Variants in SPOCK3 observed in about 807,000 individuals in gnomAD.
SPOCK3 encodes the protein testican-3.
Under a neutral mutation model 56.6 loss-of-function variants are expected in SPOCK3, and 30 were observed. The observed-to-expected ratio is 0.53, with a 90% CI of 0.40 to 0.72. The LOEUF is 0.72. Ranked by LOEUF, SPOCK3 falls within the 30% of genes least tolerant of loss-of-function variation. The pLI is 0.00. For missense variants in SPOCK3, 527 were observed against 530.0 expected (o/e 0.99, Z 0.06); for synonymous variants, 196 against 183.3 (o/e 1.07, Z -0.56).
intron 6 of SPOCK3, among the ~76,000 whole-genome samples, chr4:166,821,949 A>C (rs1213571807): frequency 6.6e-6 from 1 of 152,118 alleles, no homozygotes; most frequent in South Asian, 2.1e-4. Context: ...AGGATAGATC[A>C]ATTAACTATC....
At chr4:167,170,433 CT>C (rs1180289876) in intron 2 of SPOCK3, among the ~76,000 whole-genome samples, 1 of 152,156 alleles carries the variant, frequency 6.6e-6, no homozygotes, top group African/African-American at 2.4e-5. Flanking sequence ...CAACTATACA[CT>C]TTTCTAAGCA....
intron 4 of SPOCK3, among the ~76,000 whole-genome samples, chr4:166,924,660 C>T (rs866295176): frequency 1.3e-5 from 2 of 152,314 alleles, no homozygotes; most frequent in African/African-American, 4.8e-5. Flanking sequence ...TGACTAATGA[C>T]TTATCATGTT....
At chr4:167,210,933 C>G (rs1034627074) in intron 2 of SPOCK3, among the ~76,000 whole-genome samples, 59 of 152,060 alleles carry the variant, frequency 3.9e-4, no homozygotes, top group African/African-American at 1.4e-3. Flanking sequence ...AATGATAGAT[C>G]CTGCATATTT....
chr4:167,093,262 T>C (rs1758861657), intron 2 of SPOCK3, among the ~76,000 whole-genome samples: 1 of 152,146 alleles, frequency 6.6e-6, no homozygotes, highest in Admixed American at 6.6e-5. Context: ...TCAATACATA[T>C]TGATAACCAA....
At chr4:166,955,969 T>C (rs1743413998) in intron 4 of SPOCK3, among the ~76,000 whole-genome samples, 1 of 152,066 alleles carries the variant, frequency 6.6e-6, no homozygotes. Flanking sequence ...CATACTGTCA[T>C]TATTCTTCAA....
At chr4:167,138,812 T>C (rs768597561) in intron 2 of SPOCK3, among the ~76,000 whole-genome samples, 39 of 151,870 alleles carry the variant, frequency 2.6e-4, no homozygotes, top group Non-Finnish European at 7.4e-5. Context: ...AAAGGAAATA[T>C]ACTAGAGGGA....
intron 6 of SPOCK3, among the ~76,000 whole-genome samples, chr4:166,825,886 CA>C (rs1553981059): frequency 1.3e-5 from 2 of 151,898 alleles, no homozygotes; most frequent in Non-Finnish European, 2.9e-5. Context: ...TTTGAGGACT[CA>C]GGGGGAAGGT....
At chr4:167,110,796 T>G (rs1760839164) in intron 2 of SPOCK3, among the ~76,000 whole-genome samples, 1 of 152,002 alleles carries the variant, frequency 6.6e-6, no homozygotes, top group South Asian at 2.1e-4. Flanking sequence ...TAAAAAAAAT[T>G]CCTTTCAACA....
In SPOCK3 at chr4:166,733,623, A is replaced by C. The variant is rs1442954718; in HGVS notation, c.*1298T>G. The C allele has an allele frequency of 6.6e-6, 1 of 152,156 alleles. No individual in the cohort carries two copies. Among genetic ancestry groups the C allele is most frequent in the Non-Finnish European group, 1.5e-5 (1 of 67,764 alleles). 9.4% of individuals were successfully genotyped at this position (152,156 alleles called of 1,614,324 possible). A position where few individuals can be genotyped will look rare whatever the true frequency, so the allele number is the denominator to read the frequency against. On this transcript the variant is annotated 3_prime_UTR_variant, in exon 11 of 11. Coordinates refer to ENST00000357545, the MANE Select transcript of SPOCK3 (RefSeq NM_001040159.2). ...AGGTTTTTCCATTTTTATTATGGGCACAAAACCATTGGTATGATATAGTTA... is the reference window on the plus strand; with the variant it reads ...AGGTTTTTCCATTTTTATTATGGGCCCAAAACCATTGGTATGATATAGTTA...
chr4:167,042,814 A>G (rs1425438965), intron 3 of SPOCK3, among the ~76,000 whole-genome samples: 1 of 152,146 alleles, frequency 6.6e-6, no homozygotes, highest in Non-Finnish European at 1.5e-5. Flanking sequence ...CAGATGCTTT[A>G]TAAGGGCTTT....
intron 6 of SPOCK3, among the ~76,000 whole-genome samples, chr4:166,843,157 G>A (rs191933394): frequency 8.3e-4 from 126 of 152,190 alleles, no homozygotes; most frequent in South Asian, 4.6e-3. Context: ...GCACTGGCCC[G>A]CGAGTTCCTC....
chr4:166,861,976 C>T (rs1244955389), intron 6 of SPOCK3, among the ~76,000 whole-genome samples: 6 of 152,022 alleles, frequency 3.9e-5, no homozygotes, highest in Non-Finnish European at 8.8e-5. Context: ...CCCTTTTGCC[C>T]TTCTAGAAAT....
At chr4:166,814,982 T>C (rs189384259) in intron 6 of SPOCK3, among the ~76,000 whole-genome samples, 1 of 152,076 alleles carries the variant, frequency 6.6e-6, no homozygotes, top group East Asian at 1.9e-4. Flanking sequence ...TTGCTACAAA[T>C]GTGTCTTGAA....
chr4:167,217,688 A>G (rs181365261), intron 2 of SPOCK3, among the ~76,000 whole-genome samples: 57 of 152,208 alleles, frequency 3.7e-4, no homozygotes, highest in South Asian at 1.2e-3. Context: ...TGTCCTTTAC[A>G]CAGCTTATTT....
At chr4:167,119,637 G>A (rs1580355275) in intron 2 of SPOCK3, among the ~76,000 whole-genome samples, 1 of 152,066 alleles carries the variant, frequency 6.6e-6, no homozygotes, top group East Asian at 1.9e-4. Context: ...CAAGTGAAGG[G>A]CTGAGGGATG....
chr4:167,006,291 C>T (rs992112070), intron 3 of SPOCK3, among the ~76,000 whole-genome samples: 8 of 152,140 alleles, frequency 5.3e-5, no homozygotes, highest in African/African-American at 1.9e-4. Flanking sequence ...TAATTTGCCA[C>T]TGAAGAATCC....
chr4:167,056,330 T>C (rs1248425118), intron 3 of SPOCK3, among the ~76,000 whole-genome samples: 1 of 151,742 alleles, frequency 6.6e-6, no homozygotes. Flanking sequence ...ACCACAAAGA[T>C]GGGGAAAAAA....
intron 4 of SPOCK3, among the ~76,000 whole-genome samples, chr4:166,936,701 G>C (rs911177817): frequency 3.3e-5 from 5 of 151,888 alleles, no homozygotes; most frequent in African/African-American, 7.3e-5. Context: ...ATTTCTATTT[G>C]ATTAATGATT....
In SPOCK3 at chr4:167,188,205, G is replaced by A. The variant is rs956163309; in HGVS notation, c.189+45780C>T. ...CCCGAACTCAGCTAAACAGCCCGCT[G>A]TATTGATTATGACTCCCACACCAAA... On this transcript the variant is annotated intron_variant, in intron 2 of 10. Transcript: ENST00000357545. 1.2e-4 allele frequency among the ~76,000 whole-genome samples: 18 copies of A among 146,238 alleles called. 5 individuals are homozygous for A. In the East Asian group the frequency reaches 3.5e-3, roughly 29 times the overall value.
Sources: allele counts gnomAD v4.1 joint callset (sites outside exome capture counted in the v4.1 genomes callset), GRCh38; gene constraint gnomAD v4.1.1; transcripts MANE v1.5; gene names NCBI Gene and HGNC (gene_info 2026-07-23, HGNC 2026-07-21).